Variants in ADGRG7 observed in about 807,000 individuals in gnomAD.
ADGRG7 encodes the protein adhesion G protein-coupled receptor G7.
A neutral mutation model predicts 88.6 loss-of-function variants in ADGRG7; 82 were observed. The ratio of observed to expected loss-of-function variants is 0.93; its 90% CI spans 0.77 to 1.11. The LOEUF is 1.11. Ranked by LOEUF, ADGRG7 falls within the 50% of genes most tolerant of loss-of-function variation. The pLI, the probability that ADGRG7 is intolerant of heterozygous loss-of-function variation, is 0.00. For synonymous variants in ADGRG7, 381 were observed against 345.2 expected (o/e 1.10, Z -1.15); for missense variants, 945 against 953.4 (o/e 0.99, Z 0.12).
chr3:100,682,148 G>A (rs960876349), intron 15 of ADGRG7, among the ~76,000 whole-genome samples: 4 of 152,120 alleles, frequency 2.6e-5, no homozygotes, highest in African/African-American at 9.7e-5. Context: ...CCTGCCCCAG[G>A]GAGCGCCCCC....
At chr3:100,629,489 A>G (rs79868726) in intron 1 of ADGRG7, 109 bp from the exon 2 acceptor site, 6,921 of 661,916 alleles carry the variant, frequency 0.01, 53 homozygotes, top group Non-Finnish European at 0.014. Context: ...TTTCTCAGCA[A>G]TGATACTCAA....
At position 100,629,531 on chromosome 3, in the gene ADGRG7, C is replaced by G. The variant is rs1233169867; in HGVS notation, c.116-67C>G. ...GGTTTTACGTGTAGAAATTAAGTGG[C>G]CACAGGCATGAAAGGAGAAATGAAT... On this transcript the variant is annotated intron_variant, in intron 1 of 15. Coordinates refer to ENST00000273352, the MANE Select transcript of ADGRG7 (RefSeq NM_032787.3). 2.8e-6 allele frequency: 3 copies of G among 1,070,922 alleles called. No homozygotes were observed. In the African/African-American group the frequency reaches 4.7e-5, roughly 17 times the overall value. The allele number at this position is 1,070,922 out of a possible 1,614,324, so 66.3% of individuals were successfully genotyped here.
At chr3:100,630,841 A>G (rs199532239) in intron 3 of ADGRG7, 32 bp downstream of exon 3, 3 of 1,204,090 alleles carry the variant, frequency 2.5e-6, no homozygotes, top group African/African-American at 3.2e-5. Context: ...TACTCTATGC[A>G]TAAGAATTAC....
At chr3:100,639,532 A>T (rs1055485434) in intron 6 of ADGRG7, among the ~76,000 whole-genome samples, 2 of 152,200 alleles carry the variant, frequency 1.3e-5, no homozygotes, top group Admixed American at 6.5e-5. Context: ...GGCCCTTCTC[A>T]TGGAGAATGT....
At chr3:100,667,891 T>C (rs4928051) in intron 14 of ADGRG7, among the ~76,000 whole-genome samples, 22 of 151,898 alleles carry the variant, frequency 1.4e-4, no homozygotes, top group Admixed American at 1.4e-3. Flanking sequence ...GCCGCCCAGT[T>C]TTGTGCTTGA....
chr3:100,680,186 A>G (rs1189786711), intron 15 of ADGRG7, among the ~76,000 whole-genome samples: 2 of 152,190 alleles, frequency 1.3e-5, no homozygotes, highest in African/African-American at 4.8e-5. Context: ...TATTATTGTT[A>G]TATCTTCTGG....
intron 15 of ADGRG7, among the ~76,000 whole-genome samples, chr3:100,670,806 G>A (rs1409886981): frequency 6.6e-6 from 1 of 152,142 alleles, no homozygotes; most frequent in Non-Finnish European, 1.5e-5. Flanking sequence ...GTGAGAACAT[G>A]TGGTGTTTGG....
intron 1 of ADGRG7, among the ~76,000 whole-genome samples, chr3:100,629,100 G>C (rs1145351): frequency 0.31 from 47,250 of 151,822 alleles, 7,751 homozygotes; most frequent in Non-Finnish European, 0.34. Flanking sequence ...GATTTTTGCA[G>C]TTCGTATCCT....
Position 100,635,782 on chromosome 3 carries a change from G to A in ADGRG7, c.553G>A (p.Val185Met), listed in dbSNP as rs752934695. Reference protein sequence around the residue: ...TAENITSATRVVGQIFNTSRN... With the variant: ...TAENITSATRMVGQIFNTSRN... ...TGAGAACATCACTAGTGCTACGCGA[G>A]TGGTTGGACAGATATTCAACACTTC... Residue 185 changes from valine (V) to methionine (M), a missense_variant, in exon 5 of 16, where the codon GTG becomes ATG. Val to Met is a conservative substitution (Grantham distance 21). Coordinates refer to ENST00000273352, the MANE Select transcript of ADGRG7 (RefSeq NM_032787.3). 2.5e-5 allele frequency: 40 copies of A among 1,613,748 alleles called. 3 individuals are homozygous for A. In the South Asian group the frequency reaches 4.2e-4, roughly 17 times the overall value.
intron 8 of ADGRG7, 74 bp from the exon 9 acceptor site, chr3:100,645,871 C>A: frequency 3.7e-6 from 5 of 1,360,450 alleles, no homozygotes; most frequent in Non-Finnish European, 5.1e-6. Context: ...TGCACTTCTA[C>A]AATAACGTGA....
intron 2 of ADGRG7, 30 bp from the exon 3 acceptor site, chr3:100,630,675 A>G (rs757041751): frequency 9.5e-7 from 1 of 1,056,400 alleles, no homozygotes; most frequent in Admixed American, 3.1e-5. Flanking sequence ...AATACAATTT[A>G]TAATAAAGAA....
intron 1 of ADGRG7, among the ~76,000 whole-genome samples, chr3:100,611,043 G>A (rs562381876): frequency 5.3e-5 from 8 of 152,278 alleles, no homozygotes; most frequent in African/African-American, 1.9e-4. Flanking sequence ...ATAGTATTTA[G>A]AGAACTAGAA....
At position 100,655,999 on chromosome 3, in the gene ADGRG7, A is replaced by G; in HGVS notation, c.1823+4A>G. The G allele has an allele frequency of 6.3e-7, 1 of 1,578,956 alleles. No individual in the cohort carries two copies. Among genetic ancestry groups the G allele is most frequent in the Non-Finnish European group, 8.7e-7 (1 of 1,148,496 alleles). The stretch of plus-strand genomic sequence containing the variant: ...TAGACTACCGGCAAGAGAAAATGTG[A>G]GTTTATATTTTTTTAAATGTCCAAT... On this transcript the variant is annotated splice_donor_region_variant and intron_variant, in intron 13 of 15. Transcript: ENST00000273352.
intron 11 of ADGRG7, among the ~76,000 whole-genome samples, chr3:100,651,512 G>A (rs1032205660): frequency 1.1e-4 from 17 of 151,898 alleles, no homozygotes; most frequent in Admixed American, 6.6e-4. Flanking sequence ...GCACAATTAT[G>A]CAACCAAAGA....
At chr3:100,656,765 A>T (rs539666704) in intron 13 of ADGRG7, among the ~76,000 whole-genome samples, 1 of 131,658 alleles carries the variant, frequency 7.6e-6, no homozygotes, top group Non-Finnish European at 1.6e-5. Context: ...GGGCAAGTAC[A>T]CCAAAGGAAG....
At chr3:100,611,243 T>TCCTTC (rs1559666767) in intron 1 of ADGRG7, among the ~76,000 whole-genome samples, 2 of 76,318 alleles carry the variant, frequency 2.6e-5, no homozygotes, top group South Asian at 5.2e-4. Flanking sequence ...GTTTGTTTGT[T>TCCTTC]TTTCCTTCCT....
chr3:100,634,872 A>C (rs1707509806), intron 4 of ADGRG7, among the ~76,000 whole-genome samples: 1 of 152,202 alleles, frequency 6.6e-6, no homozygotes, highest in African/African-American at 2.4e-5. Flanking sequence ...GCAGGGATCT[A>C]GCAATTGAAT....
chr3:100,686,647 A>G (rs537653561), intron 15 of ADGRG7, among the ~76,000 whole-genome samples: 3 of 152,080 alleles, frequency 2.0e-5, no homozygotes, highest in Non-Finnish European at 4.4e-5. Flanking sequence ...TTTCCCCATT[A>G]CTTGTTTTTC....
chr3:100,665,118 A>G (rs761896443), intron 14 of ADGRG7: 29 of 526,764 alleles, frequency 5.5e-5, no homozygotes, highest in Non-Finnish European at 1.0e-4. Context: ...CTTATTTCAA[A>G]TATCTTGGTT....
Sources: gnomAD v4.1 joint callset for allele counts (sites outside exome capture counted in the v4.1 genomes callset) on GRCh38, gnomAD v4.1.1 for gene constraint, MANE v1.5 for transcripts, NCBI Gene and HGNC (gene_info 2026-07-23, HGNC 2026-07-21) for gene names.